Variants in SOX6 observed in about 807,000 individuals in gnomAD.
SOX6 encodes the protein transcription factor SOX-6.
Under a neutral mutation model 97.8 loss-of-function variants are expected in SOX6, and 11 were observed. The ratio of observed to expected loss-of-function variants is 0.11; its 90% confidence interval spans 0.07 to 0.19. The LOEUF (loss-of-function observed/expected upper bound fraction) is 0.19, where lower values mean the gene tolerates loss of function less well. SOX6 is among the 10% of genes least tolerant of loss of function. The pLI, the probability that SOX6 is intolerant of heterozygous loss-of-function variation, is 1.00. For synonymous variants in SOX6, 360 were observed against 371.4 expected, an observed-to-expected ratio of 0.97 and a Z score of 0.35; for missense variants, 810 against 1,039.5, an observed-to-expected ratio of 0.78 and a Z score of 3.04.
intron 4 of SOX6, among the ~76,000 whole-genome samples, chr11:16,513,299 T>G (rs926031095): frequency 6.6e-6 from 1 of 151,286 alleles, no homozygotes; most frequent in East Asian, 1.9e-4. Flanking sequence ...TTTAAAGCAC[T>G]CACACACTCA....
chr11:16,341,312 C>T, intron 1 of SOX6, 60 bp from the exon 2 acceptor site: 1 of 1,593,288 alleles, frequency 6.3e-7, no homozygotes, highest in Non-Finnish European at 8.6e-7. Context: ...ATAAACCAAT[C>T]CTTGCATTTG....
chr11:16,086,414 C>T (rs1173846525), intron 9 of SOX6, among the ~76,000 whole-genome samples: 1 of 152,182 alleles, frequency 6.6e-6, no homozygotes, highest in Non-Finnish European at 1.5e-5. Flanking sequence ...AGACTCTGTG[C>T]TCTCTGCCCC....
chr11:16,302,474 C>G lies in SOX6; in HGVS notation c.445+15972G>C, dbSNP rs141486466. 1.4e-3 allele frequency among the ~76,000 whole-genome samples: 210 copies of G among 151,384 alleles called. 1 individual carries two copies. In the Middle Eastern group the frequency reaches 0.014, roughly 10 times the overall value. ...TTCACTATGATGAGCTTATCAAAATCTAGCTCGAATGTCAATAAATCCCTA... is the reference window on the plus strand; with the variant it reads ...TTCACTATGATGAGCTTATCAAAATGTAGCTCGAATGTCAATAAATCCCTA... On this transcript the variant is annotated intron_variant, in intron 3 of 15. Transcript: ENST00000683767.
intron 13 of SOX6, among the ~76,000 whole-genome samples, chr11:15,989,592 C>T (rs1853979407): frequency 6.6e-6 from 1 of 152,174 alleles, no homozygotes; most frequent in Non-Finnish European, 1.5e-5. Flanking sequence ...TGCCCCAGAT[C>T]ACAACCACTC....
At chr11:16,493,669 T>C (rs1167864348) in intron 4 of SOX6, among the ~76,000 whole-genome samples, 1 of 152,144 alleles carries the variant, frequency 6.6e-6, no homozygotes, top group Non-Finnish European at 1.5e-5. Context: ...AAAAACAAGT[T>C]TTTCTCGAAT....
At chr11:16,456,478 G>T (rs1312472553) in intron 1 of SOX6, among the ~76,000 whole-genome samples, 1 of 152,028 alleles carries the variant, frequency 6.6e-6, no homozygotes, top group East Asian at 1.9e-4. Context: ...CACTATTGAG[G>T]CCAGACTGAG....
In SOX6 at chr11:16,600,998, C is replaced by T. The variant is rs562464864; in HGVS notation, n.609+11083G>A. On this transcript the variant is annotated intron_variant and non_coding_transcript_variant, in intron 4 of 5. Transcript: ENST00000524520. Reference sequence around the variant, plus strand: ...CAGGGCATAATCAGTAGAAAATATACAGTCAGGATGAATACATAAACTGTT... The same window carrying T: ...CAGGGCATAATCAGTAGAAAATATATAGTCAGGATGAATACATAAACTGTT... Among the ~76,000 whole-genome samples the T allele has an allele frequency of 3.7e-4, 57 of 152,114 alleles. 2 individuals carry two copies. Among genetic ancestry groups the T allele is most frequent in the African/African-American group, 1.3e-3 (55 of 41,504 alleles).
intron 3 of SOX6, among the ~76,000 whole-genome samples, chr11:16,621,735 T>A (rs1007895724): frequency 6.6e-6 from 1 of 152,218 alleles, no homozygotes; most frequent in African/African-American, 2.4e-5. Flanking sequence ...TATCTATTAA[T>A]AAGCCTTCAT....
chr11:16,544,501 C>T (rs1366438989), intron 4 of SOX6, among the ~76,000 whole-genome samples: 1 of 152,116 alleles, frequency 6.6e-6, no homozygotes, highest in Non-Finnish European at 1.5e-5. Context: ...CTCAAGGAAT[C>T]CTTTCACCTC....
chr11:16,038,654 C>G (rs1855577873), intron 12 of SOX6, among the ~76,000 whole-genome samples: 1 of 151,878 alleles, frequency 6.6e-6, no homozygotes, highest in African/African-American at 2.4e-5. Context: ...AGTATTGAGC[C>G]CTGGTTATCT....
chr11:16,680,012 T>C (rs1847914102), intron 3 of SOX6, among the ~76,000 whole-genome samples: 1 of 152,080 alleles, frequency 6.6e-6, no homozygotes, highest in Non-Finnish European at 1.5e-5. Context: ...ATGGGGAGAA[T>C]GGAACCAAGT....
intron 13 of SOX6, among the ~76,000 whole-genome samples, chr11:16,012,271 G>A (rs1854754521): frequency 6.6e-6 from 1 of 152,026 alleles, no homozygotes; most frequent in Non-Finnish European, 1.5e-5. Flanking sequence ...TGTAACTCCA[G>A]CAGACTTTGC....
chr11:16,247,113 A>C (rs1016275735), intron 3 of SOX6, among the ~76,000 whole-genome samples: 1 of 152,044 alleles, frequency 6.6e-6, no homozygotes, highest in Non-Finnish European at 1.5e-5. Context: ...TATGTCCGTG[A>C]GTTCATTTGT....
rs1203075329 is a variant in SOX6, at chr11:16,186,893, T to A, written c.598A>T (p.Ser200Cys). 6.2e-7 allele frequency: 1 copy of A among 1,613,734 alleles called. No individual in the cohort carries two copies. The highest frequency in any genetic ancestry group is 8.5e-7 in the Non-Finnish European group (1 of 1,179,838). ...GCTGCCAGTAGCTGCTCCCGTAAAC[T>A]GATCAGCTGGGTAATCATGGTGGAG... ...QLSTMITQLISLREQLLAAHD... is the reference protein window; with the variant it reads ...QLSTMITQLICLREQLLAAHD... The change falls in exon 5 of 16, where the codon AGT becomes TGT. Residue 200 changes from serine (S) to cysteine (C), a missense_variant. Physicochemically the swap from Ser to Cys is moderately radical, Grantham distance 112 (BLOSUM62 -1). This residue lies in a region of SOX6 where 110 missense variants were observed against 119.0 expected (regional missense o/e 0.92). Coordinates refer to ENST00000683767, the MANE Select transcript of SOX6 (RefSeq NM_001367873.1).
chr11:16,479,529 T>TA (rs77854554), upstream of SOX6, among the ~76,000 whole-genome samples: 1,258 of 126,838 alleles, frequency 9.9e-3, 12 homozygotes, highest in African/African-American at 0.031. Flanking sequence ...GACTCTGTCT[T>TA]AAAAAAAAAA....
At chr11:15,982,921 C>T (rs1263761577) in intron 15 of SOX6, among the ~76,000 whole-genome samples, 2 of 151,952 alleles carry the variant, frequency 1.3e-5, no homozygotes, top group East Asian at 1.9e-4. Flanking sequence ...TTTGGGAAGA[C>T]GTCATTGTAG....
intron 4 of SOX6, among the ~76,000 whole-genome samples, chr11:16,526,774 T>A (rs1861173212): frequency 6.6e-6 from 1 of 152,080 alleles, no homozygotes; most frequent in African/African-American, 2.4e-5. Flanking sequence ...GACCCAGATA[T>A]TTTTAAACTG....
chr11:16,402,703 G>T (rs747710534), intron 1 of SOX6: 3 of 1,610,690 alleles, frequency 1.9e-6, no homozygotes, highest in Non-Finnish European at 2.5e-6. Flanking sequence ...TGTTTCACCT[G>T]ACTAAACTGT....
chr11:16,212,915 G>A lies in SOX6; in HGVS notation c.535+21667C>T, dbSNP rs562850131. 4.6e-5 allele frequency among the ~76,000 whole-genome samples: 7 copies of A among 152,290 alleles called. No individual in the cohort carries two copies. In the South Asian group the frequency reaches 1.4e-3, roughly 32 times the overall value. ...TTCCATGATGTTAAAGGCCAGGTCT[G>A]TCTGTTCAAGTATCTTCATGCCAAA... is the stretch of plus-strand genomic sequence containing the variant. On this transcript the variant is annotated intron_variant, in intron 4 of 15. Coordinates refer to ENST00000683767, the MANE Select transcript of SOX6 (RefSeq NM_001367873.1).
Sources: gnomAD v4.1 joint callset for allele counts (sites outside exome capture counted in the v4.1 genomes callset) on GRCh38, gnomAD v4.1.1 for gene constraint, gnomAD v4.1.1 regional missense constraint, MANE v1.5 for transcripts, NCBI Gene and HGNC (gene_info 2026-07-23, HGNC 2026-07-21) for gene names.